The following TESK2 variants were observed in gnomAD, a reference collection of about 807,000 sequenced individuals.
TESK2 encodes testis associated actin remodelling kinase 2, also known as dual specificity testis-specific protein kinase 2.
In TESK2, 39 loss-of-function variants were observed where a neutral mutation model predicts 57.1. That is an observed-to-expected ratio of 0.68 (90% CI 0.53 to 0.89). The LOEUF (loss-of-function observed/expected upper bound fraction) is 0.89, where lower values mean the gene tolerates loss of function less well. Ranked by LOEUF, TESK2 falls within the 40% of genes least tolerant of loss-of-function variation. The pLI, the probability that TESK2 is intolerant of heterozygous loss-of-function variation, is 0.00. For missense variants in TESK2, 646 were observed against 732.1 expected (o/e 0.88, Z 1.36); for synonymous variants, 249 against 267.9 (o/e 0.93, Z 0.69).
At chr1:45,362,256 C>G (rs1389080663) in intron 4 of TESK2, among the ~76,000 whole-genome samples, 1 of 152,216 alleles carries the variant, frequency 6.6e-6, no homozygotes, top group East Asian at 1.9e-4. Context: ...AGACAACTGC[C>G]TAGGCTAAAG....
chr1:45,451,663 C>T (rs537546268), intron 2 of TESK2, among the ~76,000 whole-genome samples: 9 of 152,140 alleles, frequency 5.9e-5, no homozygotes, highest in Non-Finnish European at 1.2e-4. Flanking sequence ...ATTCTATTGG[C>T]AGCACCTAAA....
intron 4 of TESK2, among the ~76,000 whole-genome samples, chr1:45,384,287 T>C (rs543095563): frequency 2.6e-5 from 4 of 152,332 alleles, no homozygotes; most frequent in African/African-American, 7.2e-5. Flanking sequence ...CTTTCATTCA[T>C]TCATTCATCT....
chr1:45,484,664 G>A (rs1653382487), intron 1 of TESK2, among the ~76,000 whole-genome samples: 1 of 152,000 alleles, frequency 6.6e-6, no homozygotes, highest in African/African-American at 2.4e-5. Context: ...CCCGGAAGGC[G>A]GAAGTTGCAG....
Position 45,346,674 on chromosome 1 carries a change from G to C in TESK2, c.879+19C>G. On this transcript the variant is annotated intron_variant, in intron 9 of 10. Coordinates refer to ENST00000372086, the MANE Select transcript of TESK2 (RefSeq NM_007170.3). ...TTCAGCCAGCCCCTGATGAAAGGCA[G>C]AGGGAGAAAGACACTCACGTTACAG... is the stretch of plus-strand genomic sequence containing the variant. 3 of 1,606,240 alleles carry C rather than the reference G, an allele frequency of 1.9e-6. No homozygotes were observed. The highest frequency in any genetic ancestry group is 2.6e-6 in the Non-Finnish European group (3 of 1,174,558).
At chr1:45,462,717 CT>C (rs1434868194) in intron 1 of TESK2, among the ~76,000 whole-genome samples, 1 of 152,188 alleles carries the variant, frequency 6.6e-6, no homozygotes, top group Non-Finnish European at 1.5e-5. Context: ...GCAAACGTCT[CT>C]TCGCTATACT....
chr1:45,348,186 C>G (rs1647173384), intron 5 of TESK2, among the ~76,000 whole-genome samples, 186 bp from the exon 6 acceptor site: 3 of 152,154 alleles, frequency 2.0e-5, no homozygotes, highest in Admixed American at 2.0e-4. Context: ...ATGAGTTAGT[C>G]CTGGGTCTTG....
intron 3 of TESK2, among the ~76,000 whole-genome samples, chr1:45,388,045 A>T (rs1021351972): frequency 6.6e-6 from 1 of 152,182 alleles, no homozygotes; most frequent in African/African-American, 2.4e-5. Context: ...AATAATAAAA[A>T]TAAAATAAGA....
intron 1 of TESK2, among the ~76,000 whole-genome samples, chr1:45,474,603 G>C (rs74980799): frequency 6.6e-6 from 1 of 151,968 alleles, no homozygotes; most frequent in Non-Finnish European, 1.5e-5. Context: ...CTCCTGAGTA[G>C]CTGGGATTAC....
intron 3 of TESK2, among the ~76,000 whole-genome samples, chr1:45,401,817 T>C (rs1649631538): frequency 6.6e-6 from 1 of 152,142 alleles, no homozygotes; most frequent in Non-Finnish European, 1.5e-5. Flanking sequence ...AGAACTGCCC[T>C]TCTACGAACC....
At chr1:45,406,953 C>T in intron 3 of TESK2, among the ~76,000 whole-genome samples, 1 of 152,162 alleles carries the variant, frequency 6.6e-6, no homozygotes, top group East Asian at 1.9e-4. Context: ...CTGACCTTAT[C>T]TACTGATTTT....
chr1:45,483,163 C>T (rs1274997774), intron 1 of TESK2, among the ~76,000 whole-genome samples: 1 of 151,510 alleles, frequency 6.6e-6, no homozygotes, highest in Non-Finnish European at 1.5e-5. Context: ...TACCTGTAAT[C>T]CCAGCTACTC....
At chr1:45,380,130 C>G (rs992234610) in intron 4 of TESK2, among the ~76,000 whole-genome samples, 3 of 152,140 alleles carry the variant, frequency 2.0e-5, no homozygotes, top group Admixed American at 6.5e-5. Context: ...AAACTCCTGG[C>G]CTCAGGTGAT....
At chr1:45,433,811 T>C (rs573868161) in intron 2 of TESK2, among the ~76,000 whole-genome samples, 1 of 152,320 alleles carries the variant, frequency 6.6e-6, no homozygotes, top group African/African-American at 2.4e-5. Flanking sequence ...ACTAATGAGA[T>C]TGCTGGATCA....
At chr1:45,413,133 C>T (rs560756693) in intron 3 of TESK2, among the ~76,000 whole-genome samples, 1 of 152,310 alleles carries the variant, frequency 6.6e-6, no homozygotes, top group South Asian at 2.1e-4. Flanking sequence ...ACCTTATTCA[C>T]AAGAGACCTA....
intron 10 of TESK2, 101 bp from the exon 11 acceptor site, chr1:45,345,659 A>G (rs1647131335): frequency 8.7e-7 from 1 of 1,154,480 alleles, no homozygotes; most frequent in Non-Finnish European, 1.2e-6. Flanking sequence ...AGCTGATACC[A>G]TGGCCCTGTT....
intron 1 of TESK2, among the ~76,000 whole-genome samples, chr1:45,463,725 C>A (rs959009304): frequency 3.3e-5 from 5 of 152,088 alleles, no homozygotes; most frequent in African/African-American, 1.2e-4. Context: ...GCTGGGACTA[C>A]AGGTGCATAC....
intron 3 of TESK2, among the ~76,000 whole-genome samples, chr1:45,416,563 G>A (rs1650250985): frequency 6.6e-6 from 1 of 151,968 alleles, no homozygotes; most frequent in African/African-American, 2.4e-5. Context: ...TTTTTGTGGT[G>A]ACATATTTAA....
At chr1:45,357,196 CATAAATAA>C (rs59019267) in intron 4 of TESK2, among the ~76,000 whole-genome samples, 3,816 of 141,056 alleles carry the variant, frequency 0.027, 111 homozygotes, top group African/African-American at 0.062. Context: ...AACTCCATCT[CATAAATAA>C]ATAAATAAAT....
intron 1 of TESK2, 123 bp from the exon 2 acceptor site, chr1:45,457,994 T>C (rs1652175811): frequency 3.7e-6 from 2 of 536,736 alleles, no homozygotes; most frequent in Non-Finnish European, 6.6e-6. Flanking sequence ...ATCTAAAAAA[T>C]GTTTTATGTC....
Sources: gnomAD v4.1 joint callset for allele counts (sites outside exome capture counted in the v4.1 genomes callset) on GRCh38, gnomAD v4.1.1 for gene constraint, MANE v1.5 for transcripts, NCBI Gene and HGNC (gene_info 2026-07-23, HGNC 2026-07-21) for gene names.